The following ACTR3C variants were observed in gnomAD, a reference collection of about 807,000 sequenced individuals.
The protein encoded by ACTR3C is actin-related protein 3C.
A neutral mutation model predicts 26.3 loss-of-function variants in ACTR3C; 18 were observed. The ratio of observed to expected loss-of-function variants is 0.68; its 90% CI spans 0.47 to 1.01. ACTR3C has a LOEUF of 1.01. ACTR3C is among the 50% of genes least tolerant of loss of function. The pLI, the probability that ACTR3C is intolerant of heterozygous loss-of-function variation, is 0.00. For missense variants in ACTR3C, 184 were observed against 250.7 expected, an observed-to-expected ratio of 0.73 and a Z score of 1.80; for synonymous variants, 55 against 94.5, an observed-to-expected ratio of 0.58 and a Z score of 2.42.
At chr7:150,094,893 A>G in the ACTR3C span, among the ~76,000 whole-genome samples, 3 of 149,734 alleles carry the variant, frequency 2.0e-5, no homozygotes, top group Non-Finnish European at 4.4e-5. Flanking sequence ...GAGTCCAAGA[A>G]AACCCTACCC....
the ACTR3C span, among the ~76,000 whole-genome samples, chr7:149,929,594 C>T: frequency 1.7e-4 from 24 of 144,684 alleles, no homozygotes; most frequent in Non-Finnish European, 2.8e-4. Flanking sequence ...TGCAGTGGCC[C>T]GATCTCGGCT....
the ACTR3C span, among the ~76,000 whole-genome samples, chr7:150,185,276 CGTGTGTGTGTGT>C: frequency 1.3e-3 from 185 of 140,980 alleles, no homozygotes; most frequent in East Asian, 0.026. Flanking sequence ...AAATGTCAGG[CGTGTGTGTGTGT>C]GTGTGTGTGT....
At chr7:149,943,624 A>G in the ACTR3C span, among the ~76,000 whole-genome samples, 1 of 152,120 alleles carries the variant, frequency 6.6e-6, no homozygotes, top group East Asian at 1.9e-4. Flanking sequence ...GCTACTTAGG[A>G]GGCTTGAACC....
the ACTR3C span, chr7:150,044,835 T>G: frequency 6.6e-6 from 1 of 152,242 alleles, no homozygotes; most frequent in African/African-American, 2.4e-5. Flanking sequence ...GCGAAGCTGT[T>G]TCTGTACCTT....
the ACTR3C span, among the ~76,000 whole-genome samples, chr7:150,125,991 G>C: frequency 4.6e-5 from 7 of 152,306 alleles, no homozygotes; most frequent in African/African-American, 1.7e-4. Context: ...GCTGAACTGG[G>C]CACAGAGATT....
intron 6 of ACTR3C, among the ~76,000 whole-genome samples, chr7:150,253,908 G>A (rs764925268): frequency 4.9e-5 from 7 of 142,868 alleles, no homozygotes; most frequent in African/African-American, 5.9e-5. Flanking sequence ...GTTTTTTTTC[G>A]TGTTTTTTTT....
At chr7:150,162,750 A>G in the ACTR3C span, among the ~76,000 whole-genome samples, 1 of 152,226 alleles carries the variant, frequency 6.6e-6, no homozygotes, top group Non-Finnish European at 1.5e-5. Flanking sequence ...CCTTTCCCTG[A>G]CAATAGGGAT....
chr7:150,077,036 G>T, the ACTR3C span, among the ~76,000 whole-genome samples: 1 of 152,110 alleles, frequency 6.6e-6, no homozygotes, highest in South Asian at 2.1e-4. Flanking sequence ...ATGGTGGTAG[G>T]CACCTGTAAT....
At chr7:150,167,391 T>G in the ACTR3C span, among the ~76,000 whole-genome samples, 2 of 150,886 alleles carry the variant, frequency 1.3e-5, no homozygotes, top group Admixed American at 6.6e-5. Flanking sequence ...TCACTTTTGA[T>G]CTATTTCCTA....
chr7:150,094,570 CACTAA>C, the ACTR3C span, among the ~76,000 whole-genome samples: 2 of 150,594 alleles, frequency 1.3e-5, no homozygotes, highest in Non-Finnish European at 2.9e-5. Flanking sequence ...CACCCCTTGG[CACTAA>C]CCTATCAGTA....
At chr7:149,907,478 TTCTCTCTCTCTCTCTC>T in the ACTR3C span, among the ~76,000 whole-genome samples, 1 of 97,606 alleles carries the variant, frequency 1.0e-5, no homozygotes, top group African/African-American at 3.6e-5. Flanking sequence ...CTCTCTTCTC[TTCTCTCTCTCTCTCTC>T]TCTCTCTCTC....
the ACTR3C span, among the ~76,000 whole-genome samples, chr7:150,067,723 C>A: frequency 1.5e-4 from 16 of 105,594 alleles, no homozygotes; most frequent in African/African-American, 5.7e-4. Flanking sequence ...TGTATAAAGC[C>A]ACCTTTAAAG....
the ACTR3C span, among the ~76,000 whole-genome samples, chr7:150,161,583 T>A: frequency 2.6e-5 from 4 of 152,184 alleles, no homozygotes; most frequent in Non-Finnish European, 5.9e-5. Flanking sequence ...ATGGTGCATG[T>A]GTGCCACATT....
At chr7:150,136,430 G>C in the ACTR3C span, among the ~76,000 whole-genome samples, 12 of 152,266 alleles carry the variant, frequency 7.9e-5, no homozygotes, top group South Asian at 2.5e-3. Context: ...AGCACTTTGG[G>C]AGGCCGAGGC....
intron 1 of ACTR3C, among the ~76,000 whole-genome samples, chr7:150,304,518 C>T (rs1214873404): frequency 1.1e-4 from 17 of 152,216 alleles, no homozygotes; most frequent in Admixed American, 1.1e-3. Context: ...ACACCTGCTG[C>T]TTGGAGCTGG....
At chr7:150,080,485 C>T in the ACTR3C span, among the ~76,000 whole-genome samples, 1 of 151,366 alleles carries the variant, frequency 6.6e-6, no homozygotes, top group Non-Finnish European at 1.5e-5. Flanking sequence ...TACATCTTGA[C>T]ATCTTAGACA....
At chr7:150,058,655 G>A in the ACTR3C span, among the ~76,000 whole-genome samples, 44 of 152,274 alleles carry the variant, frequency 2.9e-4, no homozygotes, top group African/African-American at 1.0e-3. Flanking sequence ...CGTGGCTCAC[G>A]CCTGTAATCT....
the ACTR3C span, among the ~76,000 whole-genome samples, chr7:150,119,453 A>C: frequency 1.3e-5 from 2 of 152,240 alleles, no homozygotes. Flanking sequence ...GATAAAACAG[A>C]CTTTAAACCA....
chr7:150,096,029 C>CT, the ACTR3C span, among the ~76,000 whole-genome samples: 1 of 147,380 alleles, frequency 6.8e-6, no homozygotes, highest in South Asian at 2.2e-4. Flanking sequence ...CAGTGACATT[C>CT]TTTTAAAAAA....
Sources: allele counts gnomAD v4.1 joint callset (sites outside exome capture counted in the v4.1 genomes callset), GRCh38; gene constraint gnomAD v4.1.1; transcripts MANE v1.5; gene names NCBI Gene and HGNC (gene_info 2026-07-23, HGNC 2026-07-21).